Variants in NUDT16 observed in about 807,000 individuals in gnomAD.
NUDT16 encodes U8 snoRNA-decapping enzyme.
NUDT16 carries 12 observed loss-of-function variants against 11.7 expected under a neutral mutation model. The ratio of observed to expected loss-of-function variants is 1.03; its 90% CI spans 0.66 to 1.67. The LOEUF (loss-of-function observed/expected upper bound fraction) is 1.67. Among genes scored for constraint, NUDT16 ranks in the 40% most tolerant of loss-of-function variants. NUDT16 has a pLI of 0.00. For synonymous variants in NUDT16, 129 were observed against 122.6 expected, an observed-to-expected ratio of 1.05 and a Z score of -0.35; for missense variants, 303 against 268.9, an observed-to-expected ratio of 1.13 and a Z score of -0.89.
chr3:131,382,195 C>CA lies in NUDT16; in HGVS notation c.289dup (p.Ser97LysfsTer77), dbSNP rs959028086. On this transcript the variant is annotated frameshift_variant, in exon 2 of 3. Coordinates refer to ENST00000521288, the MANE Select transcript of NUDT16 (RefSeq NM_152395.3). LOFTEE classifies it high-confidence loss of function. Reference sequence around the variant, plus strand: ...TCCGCGTGGAGCGCACTGACTACCGCAGCTCCCACGTCGGGTCAGGGCCAC... The same window carrying CA: ...TCCGCGTGGAGCGCACTGACTACCGCAAGCTCCCACGTCGGGTCAGGGCCAC... 6.2e-7 allele frequency: 1 copy of CA among 1,611,636 alleles called. No homozygotes were observed. The highest frequency in any genetic ancestry group is 1.3e-5 in the African/African-American group (1 of 74,914).
At chr3:131,382,579 A>T (rs1016656070) in intron 2 of NUDT16, 2 of 1,528,736 alleles carry the variant, frequency 1.3e-6, no homozygotes, top group South Asian at 2.4e-5. Flanking sequence ...GCTGTTCCCT[A>T]TTGACAGTGT....
chr3:131,382,569 G>C (rs1436325972), intron 2 of NUDT16: 2 of 1,533,894 alleles, frequency 1.3e-6, no homozygotes, highest in African/African-American at 1.4e-5. Flanking sequence ...ATGTCTCTCT[G>C]CTGTTCCCTA....
At position 131,385,067 on chromosome 3, in the gene NUDT16, CA is replaced by C. The variant is rs2097459084; in HGVS notation, c.*1727del. The C allele has an allele frequency of 6.6e-6, 1 of 152,112 alleles. No homozygotes were observed. Among genetic ancestry groups the C allele is most frequent in the Non-Finnish European group, 1.5e-5 (1 of 68,064 alleles). 9.4% of individuals were successfully genotyped at this position (152,112 alleles called of 1,614,324 possible). A position where few individuals can be genotyped will look rare whatever the true frequency, so the allele number is the denominator to read the frequency against. On this transcript the variant is annotated 3_prime_UTR_variant, in exon 3 of 3. Transcript: ENST00000521288. Reference sequence around the variant, plus strand: ...GATGGGTCAGTTCAGAAGACATACACAGGAGAAATTGTAGTGATGAAATGTG... The same window carrying C: ...GATGGGTCAGTTCAGAAGACATACACGGAGAAATTGTAGTGATGAAATGTG...
At position 131,385,480 on chromosome 3, in the gene NUDT16, T is replaced by C; in HGVS notation, c.*2139T>C. On this transcript the variant is annotated 3_prime_UTR_variant, in exon 3 of 3. Transcript: ENST00000521288. ...ACAAGAGGAGTGGCCACAAGGCCAG[T>C]GGCACCTGCCAGAGGGGAAAGCAGG... 6.6e-6 allele frequency: 1 copy of C among 152,482 alleles called. No individual in the cohort carries two copies. Among genetic ancestry groups the C allele is most frequent in the Non-Finnish European group, 1.5e-5 (1 of 68,178 alleles). The allele number at this position is 152,482 out of a possible 1,614,324, so 9.4% of individuals were successfully genotyped here.
Position 131,383,409 on chromosome 3 carries a change from G to A in NUDT16, c.*68G>A, listed in dbSNP as rs745508417. Reference sequence around the variant, plus strand: ...TGGTACTAGGGAGGGAGGGAAGGACGTGGGAATGTTTTCTTATTGGATCTG... The same window carrying A: ...TGGTACTAGGGAGGGAGGGAAGGACATGGGAATGTTTTCTTATTGGATCTG... On this transcript the variant is annotated 3_prime_UTR_variant, in exon 3 of 3. Coordinates refer to ENST00000521288, the MANE Select transcript of NUDT16 (RefSeq NM_152395.3). This position sits in a 1 kb window ranked among gnomAD's most constrained non-coding sequence, Gnocchi z 4.4. The A allele has an allele frequency of 1.9e-4, 308 of 1,596,426 alleles. No homozygotes were observed. Among genetic ancestry groups the A allele is most frequent in the Admixed American group, 2.8e-4 (16 of 57,872 alleles).
At chr3:131,382,719 T>C (rs936002058) in intron 2 of NUDT16, 1 of 1,398,436 alleles carries the variant, frequency 7.2e-7, no homozygotes, top group African/African-American at 1.5e-5. Context: ...AAGGTGGTTC[T>C]CAAAATTTGG....
chr3:131,383,514 G>A lies in NUDT16; in HGVS notation c.*173G>A. On this transcript the variant is annotated 3_prime_UTR_variant, in exon 3 of 3. Coordinates refer to ENST00000521288, the MANE Select transcript of NUDT16 (RefSeq NM_152395.3). This position sits in a 1 kb window ranked among gnomAD's most constrained non-coding sequence, Gnocchi z 4.4. ...TGAGCAGAGGACCCTCCAACTTATG[G>A]CATCAGGGGCAAAAAGTCACAGCTT... 2.8e-6 allele frequency: 4 copies of A among 1,442,180 alleles called. No homozygotes were observed. Among genetic ancestry groups the A allele is most frequent in the Non-Finnish European group, 3.7e-6 (4 of 1,085,568 alleles). 89.3% of individuals were successfully genotyped at this position (1,442,180 alleles called of 1,614,324 possible). A position where few individuals can be genotyped will look rare whatever the true frequency, so the allele number is the denominator to read the frequency against.
In NUDT16 at chr3:131,384,426, G is replaced by C. The variant is rs1175114287; in HGVS notation, c.*1085G>C. On this transcript the variant is annotated 3_prime_UTR_variant, in exon 3 of 3. Coordinates refer to ENST00000521288, the MANE Select transcript of NUDT16 (RefSeq NM_152395.3). Reference sequence around the variant, plus strand: ...TGAATGGAAAGTTGGGGAGTAGAACGTGTGAGAAGTTGGCCTTCAAGGGGC... The same window carrying C: ...TGAATGGAAAGTTGGGGAGTAGAACCTGTGAGAAGTTGGCCTTCAAGGGGC... The C allele has an allele frequency of 6.6e-6, 1 of 152,286 alleles. No homozygotes were observed. The highest frequency in any genetic ancestry group is 6.5e-5 in the Admixed American group (1 of 15,282). The allele number at this position is 152,286 out of a possible 1,614,324, so 9.4% of individuals were successfully genotyped here. A position where few individuals can be genotyped will look rare whatever the true frequency, so the allele number is the denominator to read the frequency against.
intron 2 of NUDT16, chr3:131,382,598 A>G (rs1285023208): frequency 9.9e-6 from 15 of 1,513,960 alleles, no homozygotes; most frequent in Middle Eastern, 3.4e-4. Flanking sequence ...GTGATAGATT[A>G]TCACATTATC....
intron 2 of NUDT16, chr3:131,382,887 C>A: frequency 3.3e-6 from 2 of 610,216 alleles, no homozygotes; most frequent in Non-Finnish European, 5.4e-6. Flanking sequence ...CACATTTTGA[C>A]AACCACTGGT....
rs1301927611 is a variant in NUDT16 at position 131,384,867 on chromosome 3, A to T, written c.*1526A>T. On this transcript the variant is annotated 3_prime_UTR_variant, in exon 3 of 3. Transcript: ENST00000521288. ...AAGGCAACAGCAGAAGGGCAGGGCA[A>T]GGCTGAGCTCTGAGATGGTCAGTTT... The T allele has an allele frequency of 2.0e-5, 3 of 152,304 alleles. No homozygotes were observed. Among genetic ancestry groups the T allele is most frequent in the Non-Finnish European group, 4.4e-5 (3 of 68,124 alleles). 9.4% of individuals were successfully genotyped at this position (152,304 alleles called of 1,614,324 possible).
At chr3:131,382,767 C>A in intron 2 of NUDT16, 2 of 1,257,278 alleles carry the variant, frequency 1.6e-6, no homozygotes, top group Non-Finnish European at 2.1e-6. Context: ...ATTAAAATAG[C>A]GATTTCTCTC....
Position 131,387,686 on chromosome 3 carries a change from C to G in NUDT16, c.*4345C>G, listed in dbSNP as rs2097460751. ...AGTATAGAAAGCTCCTGGACTCAGCCAAGACCCTCACCTACAGTCCCAGTC... is the reference window on the plus strand; with the variant it reads ...AGTATAGAAAGCTCCTGGACTCAGCGAAGACCCTCACCTACAGTCCCAGTC... On this transcript the variant is annotated 3_prime_UTR_variant, in exon 3 of 3. Coordinates refer to ENST00000521288, the MANE Select transcript of NUDT16 (RefSeq NM_152395.3). The G allele has an allele frequency of 6.6e-6, 1 of 152,384 alleles. No individual in the cohort carries two copies. Among genetic ancestry groups the G allele is most frequent in the Non-Finnish European group, 1.5e-5 (1 of 68,186 alleles). 9.4% of individuals were successfully genotyped at this position (152,384 alleles called of 1,614,324 possible).
rs1267118031 is a variant in NUDT16, at chr3:131,383,476, G to A, written c.*135G>A. 11 of 1,527,200 alleles carry A rather than the reference G, an allele frequency of 7.2e-6. No homozygotes were observed. Among genetic ancestry groups the A allele is most frequent in the Admixed American group, 2.0e-5 (1 of 50,504 alleles). The allele number at this position is 1,527,200 out of a possible 1,614,324, so 94.6% of individuals were successfully genotyped here. A position where few individuals can be genotyped will look rare whatever the true frequency, so the allele number is the denominator to read the frequency against. ...ACCAGATGAAAAGAAGGAGAAGTGT[G>A]TACCATATGTTTTGAGCAGAGGACC... On this transcript the variant is annotated 3_prime_UTR_variant, in exon 3 of 3. Coordinates refer to ENST00000521288, the MANE Select transcript of NUDT16 (RefSeq NM_152395.3). The surrounding 1 kb of genome is among the most constrained non-coding windows in gnomAD (Gnocchi z 4.4).
In NUDT16 at chr3:131,386,863, G is replaced by T. The variant is rs1420938792; in HGVS notation, c.*3522G>T. ...TTTCCTAGTTACCGGAACCCTTAGA[G>T]CTGGGAGCCGGCCAGTGAAACAGAC... On this transcript the variant is annotated 3_prime_UTR_variant, in exon 3 of 3. Coordinates refer to ENST00000521288, the MANE Select transcript of NUDT16 (RefSeq NM_152395.3). The T allele has an allele frequency of 6.6e-6, 1 of 152,192 alleles. No individual in the cohort carries two copies. Among genetic ancestry groups the T allele is most frequent in the Non-Finnish European group, 1.5e-5 (1 of 68,046 alleles). The allele number at this position is 152,192 out of a possible 1,614,324, so 9.4% of individuals were successfully genotyped here.
In NUDT16 at chr3:131,383,012, G is replaced by T; in HGVS notation, c.409-150G>T. 1 of 828,908 alleles carries T rather than the reference G, an allele frequency of 1.2e-6. No homozygotes were observed. Among genetic ancestry groups the T allele is most frequent in the Non-Finnish European group, 1.9e-6 (1 of 523,662 alleles). 51.3% of individuals were successfully genotyped at this position (828,908 alleles called of 1,614,324 possible). ...GTTTTGGGTCATTTTCCTGCAGAAGGTTGGGCCACTAGGCTTTAGTGAGGT... is the reference window on the plus strand; with the variant it reads ...GTTTTGGGTCATTTTCCTGCAGAAGTTTGGGCCACTAGGCTTTAGTGAGGT... On this transcript the variant is annotated intron_variant, in intron 2 of 2. Transcript: ENST00000521288. The surrounding 1 kb of genome is among the most constrained non-coding windows in gnomAD (Gnocchi z 4.4).
At chr3:131,381,673 G>T, upstream of NUDT16, 1 of 1,011,962 alleles carries the variant, frequency 9.9e-7, no homozygotes, top group Non-Finnish European at 1.4e-6. Flanking sequence ...CCGCCCCCAG[G>T]CGCCTAGGTT....
At chr3:131,382,737 C>A in intron 2 of NUDT16, 1 of 1,380,464 alleles carries the variant, frequency 7.2e-7, no homozygotes, top group Non-Finnish European at 9.4e-7. Context: ...TGGCAGGTAG[C>A]AGAATCATCG....
rs781252131 is a variant in NUDT16 at position 131,383,194 on chromosome 3, C to A, written c.441C>A (p.Thr147=). The change falls in exon 3 of 3, where the codon ACC becomes ACA. Residue 147 remains threonine, a synonymous_variant. Transcript: ENST00000521288. This position sits in a 1 kb window ranked among gnomAD's most constrained non-coding sequence, Gnocchi z 4.4. ...GCCTGGTGCGAGTGCCCCTGTATAC[C>A]CTGCGGGATGGTGTAGGAGGCCTGC... ...VLGLVRVPLY[T]LRDGVGGLPT... The A allele has an allele frequency of 8.7e-6, 14 of 1,613,380 alleles. No homozygotes were observed. Among genetic ancestry groups the A allele is most frequent in the Middle Eastern group, 1.8e-4 (1 of 5,478 alleles).
Sources: allele counts gnomAD v4.1 joint callset, GRCh38; gene constraint gnomAD v4.1.1; non-coding constraint Gnocchi (gnomAD v3.1); transcripts MANE v1.5; gene names NCBI Gene and HGNC (gene_info 2026-07-23, HGNC 2026-07-21).